The following RYR2 variants were observed in gnomAD, a reference collection of about 807,000 sequenced individuals.
RYR2 encodes ryanodine receptor 2, also known as cardiac muscle ryanodine receptor-calcium release channel.
A neutral mutation model predicts 601.1 loss-of-function variants in RYR2; 227 were observed. That is an observed-to-expected ratio of 0.38 (90% CI 0.34 to 0.42). The LOEUF (loss-of-function observed/expected upper bound fraction) is 0.42, where lower values mean the gene tolerates loss of function less well. RYR2 is among the 10% of genes least tolerant of loss of function. The pLI is 1.00. For missense variants in RYR2, 4,646 were observed against 6,156.5 expected (o/e 0.75, Z 8.21); for synonymous variants, 2,223 against 2,175.1 (o/e 1.02, Z -0.61).
intron 12 of RYR2, among the ~76,000 whole-genome samples, chr1:237,426,966 G>A (rs1706227718): frequency 6.6e-6 from 1 of 152,164 alleles, no homozygotes; most frequent in Non-Finnish European, 1.5e-5. Context: ...AGGTACGGTA[G>A]GTGCTCCAGT....
At chr1:237,109,736 T>A (rs3120682) in intron 1 of RYR2, among the ~76,000 whole-genome samples, 4,215 of 82,518 alleles carry the variant, frequency 0.051, 159 homozygotes, top group African/African-American at 0.15. Context: ...AAAAAAATAA[T>A]AATAATAATT....
chr1:237,153,061 C>G (rs1215553978), intron 1 of RYR2, among the ~76,000 whole-genome samples: 1 of 152,128 alleles, frequency 6.6e-6, no homozygotes, highest in African/African-American at 2.4e-5. Flanking sequence ...GTTGCTGAAT[C>G]AGATTTGTGT....
chr1:237,091,642 C>T (rs1666970016), intron 1 of RYR2, among the ~76,000 whole-genome samples: 1 of 152,190 alleles, frequency 6.6e-6, no homozygotes, highest in African/African-American at 2.4e-5. Flanking sequence ...CCAGGCTGGT[C>T]TCGAACTTCT....
At chr1:237,571,281 C>A (rs1264007597) in intron 29 of RYR2, among the ~76,000 whole-genome samples, 1 of 150,712 alleles carries the variant, frequency 6.6e-6, no homozygotes, top group Non-Finnish European at 1.5e-5. Context: ...AGATACATAC[C>A]TACCTCAACC....
At chr1:237,743,581 G>A in intron 80 of RYR2, 1 of 518,676 alleles carries the variant, frequency 1.9e-6, no homozygotes, top group Non-Finnish European at 3.9e-6. Context: ...TTTGCTTCTT[G>A]TCCTCATCCT....
intron 1 of RYR2, among the ~76,000 whole-genome samples, chr1:237,132,892 A>G (rs919190209): frequency 6.6e-6 from 1 of 152,170 alleles, no homozygotes; most frequent in Admixed American, 6.5e-5. Context: ...GAAATGTCAC[A>G]TGATTCTCAC....
intron 96 of RYR2, 65 bp downstream of exon 96, chr1:237,795,396 T>C: frequency 1.2e-6 from 1 of 805,596 alleles, no homozygotes; most frequent in Non-Finnish European, 2.0e-6. Flanking sequence ...TTTGATGTGA[T>C]TCAGATGTAG....
At chr1:237,356,343 C>A (rs1428775560) in intron 4 of RYR2, among the ~76,000 whole-genome samples, 1 of 151,316 alleles carries the variant, frequency 6.6e-6, no homozygotes, top group East Asian at 1.9e-4. Flanking sequence ...ACTGTTTAAT[C>A]TCAAAATTCC....
chr1:237,486,566 C>T (rs1662709895), intron 17 of RYR2, among the ~76,000 whole-genome samples: 2 of 152,196 alleles, frequency 1.3e-5, no homozygotes, highest in South Asian at 4.1e-4. Context: ...TAGTTATATA[C>T]TGTAGAGAGG....
At position 237,609,363 on chromosome 1, in the gene RYR2, C is replaced by A. The variant is rs575670544; in HGVS notation, c.4684-1399C>A. Among the ~76,000 whole-genome samples the A allele has an allele frequency of 3.5e-5, 5 of 141,090 alleles. No individual in the cohort carries two copies. The South Asian group carries it at 1.3e-3, about 36-fold the overall frequency. The allele number at this position is 141,090 out of a possible 152,430, so 92.6% of individuals were successfully genotyped here. On this transcript the variant is annotated intron_variant, in intron 35 of 104. Transcript: ENST00000366574. ...CCATCCCTCCCTCCCCCCTTCTCCC[C>A]TTCCCCCCTTCCCTTTTCTTTCTTT...
chr1:237,569,584 A>C lies in RYR2; in HGVS notation c.3598+265A>C, dbSNP rs116428803. 3.8e-3 allele frequency among the ~76,000 whole-genome samples: 583 copies of C among 152,322 alleles called. 2 individuals carry two copies. Among genetic ancestry groups the C allele is most frequent in the African/African-American group, 0.013 (544 of 41,560 alleles). On this transcript the variant is annotated intron_variant, in intron 29 of 104. Coordinates refer to ENST00000366574, the MANE Select transcript of RYR2 (RefSeq NM_001035.3). ...AATAAGAAAATAAATAGCAGATAAAAGAATAGGTTTCCATCATTGTTAAAT... is the reference window on the plus strand; with the variant it reads ...AATAAGAAAATAAATAGCAGATAAACGAATAGGTTTCCATCATTGTTAAAT...
At chr1:237,113,604 C>A (rs1463083445) in intron 1 of RYR2, among the ~76,000 whole-genome samples, 3 of 152,148 alleles carry the variant, frequency 2.0e-5, no homozygotes, top group Non-Finnish European at 4.4e-5. Flanking sequence ...CAGCTCCTTG[C>A]ACAATTCCTG....
Position 237,809,008 on chromosome 1 carries a change from A to G in RYR2, c.14406A>G (p.Pro4802=), listed in dbSNP as rs767234031. Residue 4802 remains proline, a synonymous_variant, in exon 100 of 105, where the codon CCA becomes CCG. Coordinates refer to ENST00000366574, the MANE Select transcript of RYR2 (RefSeq NM_001035.3). ...ATAAAAGTGAAGATGGTGATACACC[A>G]GATATGAAATGTGACGATATGCTAA... ...FYNKSEDGDT[P]DMKCDDMLTC... 6 of 1,613,408 alleles carry G rather than the reference A, an allele frequency of 3.7e-6. No individual in the cohort carries two copies. In the African/African-American group the frequency reaches 5.3e-5, roughly 14 times the overall value.
chr1:237,395,799 A>T (rs905993279), intron 10 of RYR2, among the ~76,000 whole-genome samples: 10 of 152,030 alleles, frequency 6.6e-5, no homozygotes, highest in African/African-American at 2.4e-4. Flanking sequence ...GCCCTCCTCG[A>T]TGTCCCAAAG....
chr1:237,113,347 C>T (rs552895579), intron 1 of RYR2, among the ~76,000 whole-genome samples: 22 of 151,868 alleles, frequency 1.4e-4, no homozygotes, highest in Middle Eastern at 6.8e-3. Context: ...TACAGGTGTG[C>T]GCCACCATGC....
intron 89 of RYR2, among the ~76,000 whole-genome samples, chr1:237,782,178 C>CTTTTTTTTTTTTTTTTT (rs35521596): frequency 8.4e-6 from 1 of 119,148 alleles, no homozygotes; most frequent in Non-Finnish European, 1.7e-5. Context: ...TTTGTTATTG[C>CTTTTTTTTTTTTTTTTT]TTTTTTTTTT....
At chr1:237,713,466 G>A (rs1215573516) in intron 71 of RYR2, among the ~76,000 whole-genome samples, 1 of 152,006 alleles carries the variant, frequency 6.6e-6, no homozygotes, top group African/African-American at 2.4e-5. Flanking sequence ...GTGCGATCTC[G>A]GCTCACTGCA....
intron 2 of RYR2, among the ~76,000 whole-genome samples, chr1:237,274,034 T>C (rs1157953500): frequency 6.9e-6 from 1 of 143,886 alleles, no homozygotes; most frequent in Non-Finnish European, 1.5e-5. Context: ...TTTTATATTA[T>C]ATATAATATT....
intron 44 of RYR2, 38 bp from the exon 45 acceptor site, chr1:237,638,318 AG>A: frequency 6.2e-7 from 1 of 1,612,890 alleles, no homozygotes; most frequent in Middle Eastern, 1.7e-4. Flanking sequence ...ATGAGTTTTC[AG>A]CCAAGGGATA....
Sources: gnomAD v4.1 joint callset for allele counts (sites outside exome capture counted in the v4.1 genomes callset) on GRCh38, gnomAD v4.1.1 for gene constraint, MANE v1.5 for transcripts, NCBI Gene and HGNC (gene_info 2026-07-23, HGNC 2026-07-21) for gene names.